Variants in NELL1 observed in about 807,000 individuals in gnomAD.
NELL1 encodes the protein protein kinase C-binding protein NELL1.
NELL1 carries 76 observed loss-of-function variants against 107.4 expected under a neutral mutation model. The ratio of observed to expected loss-of-function variants is 0.71; its 90% CI spans 0.59 to 0.86. The LOEUF (loss-of-function observed/expected upper bound fraction) is 0.86. Among genes scored for constraint, NELL1 ranks in the 40% least tolerant of loss-of-function variants. The pLI, the probability that NELL1 is intolerant of heterozygous loss-of-function variation, is 0.00. For missense variants in NELL1, 1,024 were observed against 1,005.5 expected, an observed-to-expected ratio of 1.02 and a Z score of -0.25; for synonymous variants, 353 against 341.2, an observed-to-expected ratio of 1.03 and a Z score of -0.38.
intron 13 of NELL1, among the ~76,000 whole-genome samples, chr11:21,209,723 C>A (rs1204170815): frequency 6.6e-6 from 1 of 151,986 alleles, no homozygotes; most frequent in Non-Finnish European, 1.5e-5. Context: ...TAACTGTGGT[C>A]CAATGTTTCA....
In NELL1 at chr11:20,958,313, C is replaced by T. The variant is rs989378020; in HGVS notation, c.1172-2119C>T. ...CCTCTAGTCCCAGCTACTCAGTTGCCGAGGTGGGAGGATCACTTTAGCCCA... is the reference window on the plus strand; with the variant it reads ...CCTCTAGTCCCAGCTACTCAGTTGCTGAGGTGGGAGGATCACTTTAGCCCA... On this transcript the variant is annotated intron_variant, in intron 11 of 19. Transcript: ENST00000357134. 2.6e-5 allele frequency among the ~76,000 whole-genome samples: 4 copies of T among 152,042 alleles called. No homozygotes were observed. In the East Asian group the frequency reaches 7.8e-4, roughly 30 times the overall value.
chr11:20,958,891 T>A (rs903262575), intron 11 of NELL1, among the ~76,000 whole-genome samples: 1 of 152,280 alleles, frequency 6.6e-6, no homozygotes, highest in Non-Finnish European at 1.5e-5. Flanking sequence ...AGGCATACCC[T>A]GGAGATATTG....
intron 2 of NELL1, among the ~76,000 whole-genome samples, chr11:20,752,645 T>A (rs1399194551): frequency 6.6e-6 from 1 of 152,210 alleles, no homozygotes; most frequent in African/African-American, 2.4e-5. Context: ...CCAACTCTAG[T>A]TCAAGTCAGC....
At chr11:21,547,523 ATTG>A (rs1443421107) in intron 16 of NELL1, among the ~76,000 whole-genome samples, 1 of 151,892 alleles carries the variant, frequency 6.6e-6, no homozygotes, top group Non-Finnish European at 1.5e-5. Context: ...GTTATATAAT[ATTG>A]TTGTGAAAAT....
At position 21,336,724 on chromosome 11, in the gene NELL1, T is replaced by C. The variant is rs544882252; in HGVS notation, c.1550-34129T>C. On this transcript the variant is annotated intron_variant, in intron 14 of 19. Coordinates refer to ENST00000357134, the MANE Select transcript of NELL1 (RefSeq NM_006157.5). ...GAAATCAGAATGAAATGCTTTGTATTTGAACTCTTCTTTTTTTAGTTTTAC... is the reference window on the plus strand; with the variant it reads ...GAAATCAGAATGAAATGCTTTGTATCTGAACTCTTCTTTTTTTAGTTTTAC... Among the ~76,000 whole-genome samples, 3 of 150,524 alleles carry C rather than the reference T, an allele frequency of 2.0e-5. No homozygotes were observed. The East Asian group carries it at 5.9e-4, about 30-fold the overall frequency.
chr11:21,243,139 T>C (rs562992979), intron 14 of NELL1, among the ~76,000 whole-genome samples: 157 of 152,090 alleles, frequency 1.0e-3, no homozygotes, highest in African/African-American at 3.5e-3. Context: ...TTCTGAAAGA[T>C]ACTAGGCAGG....
At chr11:20,869,433 A>G (rs1370996270) in intron 4 of NELL1, among the ~76,000 whole-genome samples, 1 of 152,216 alleles carries the variant, frequency 6.6e-6, no homozygotes, top group Non-Finnish European at 1.5e-5. Context: ...CCTAGTATTC[A>G]AAGTGCTGAT....
chr11:21,161,944 CTTTTT>C (rs34422649), intron 13 of NELL1, among the ~76,000 whole-genome samples: 1,025 of 83,048 alleles, frequency 0.012, 14 homozygotes, highest in African/African-American at 0.046. Flanking sequence ...GGAACATAAT[CTTTTT>C]TTTTTTTTTT....
chr11:21,254,543 G>A (rs1170641716), intron 14 of NELL1, among the ~76,000 whole-genome samples: 4 of 152,060 alleles, frequency 2.6e-5, no homozygotes, highest in Non-Finnish European at 5.9e-5. Context: ...AAATTGGACA[G>A]CAGGAGAGTT....
At chr11:20,877,673 A>G (rs528542458) in intron 4 of NELL1, among the ~76,000 whole-genome samples, 3 of 152,342 alleles carry the variant, frequency 2.0e-5, no homozygotes, top group African/African-American at 7.2e-5. Flanking sequence ...CCTTGATTCA[A>G]TGATTGACTT....
intron 12 of NELL1, among the ~76,000 whole-genome samples, chr11:20,975,956 T>TATGTG (rs59420210): frequency 7.7e-6 from 1 of 129,582 alleles, no homozygotes; most frequent in African/African-American, 3.0e-5. Context: ...TATATGTACA[T>TATGTG]TATATATACA....
At chr11:21,423,839 A>G (rs1043153018) in intron 15 of NELL1, among the ~76,000 whole-genome samples, 4 of 152,226 alleles carry the variant, frequency 2.6e-5, no homozygotes, top group East Asian at 1.9e-4. Flanking sequence ...AAAAATTACA[A>G]ATTGGTAGAA....
intron 15 of NELL1, among the ~76,000 whole-genome samples, chr11:21,478,726 G>GAAAC (rs1325692064): frequency 1.3e-5 from 2 of 150,074 alleles, no homozygotes; most frequent in Non-Finnish European, 3.0e-5. Context: ...CACAGCAAAG[G>GAAAC]AAACAGTCAA....
At chr11:20,732,274 C>A (rs72942748) in intron 2 of NELL1, among the ~76,000 whole-genome samples, 16,543 of 151,980 alleles carry the variant, frequency 0.11, 1,066 homozygotes, top group Non-Finnish European at 0.15. Flanking sequence ...CTTCATGAAT[C>A]TGAATAAATG....
chr11:20,926,136 TG>T (rs1850491117), intron 7 of NELL1, among the ~76,000 whole-genome samples: 1 of 152,174 alleles, frequency 6.6e-6, no homozygotes, highest in South Asian at 2.1e-4. Flanking sequence ...TCAATCATGG[TG>T]GTCTCTATGT....
At chr11:20,776,264 C>G (rs1002081461) in intron 2 of NELL1, among the ~76,000 whole-genome samples, 2 of 151,990 alleles carry the variant, frequency 1.3e-5, no homozygotes, top group Non-Finnish European at 2.9e-5. Flanking sequence ...ATGGCGAAAC[C>G]CCATCTTCTA....
intron 13 of NELL1, among the ~76,000 whole-genome samples, chr11:21,180,263 T>C (rs1003140063): frequency 2.6e-5 from 4 of 151,854 alleles, no homozygotes; most frequent in African/African-American, 9.7e-5. Context: ...TGCGGTTGCT[T>C]TCAAAGCTGA....
chr11:21,107,481 A>C (rs1028206103), intron 12 of NELL1, among the ~76,000 whole-genome samples: 3 of 152,204 alleles, frequency 2.0e-5, no homozygotes, highest in Non-Finnish European at 4.4e-5. Flanking sequence ...TTACCAGTCC[A>C]TGAAGAACTT....
intron 2 of NELL1, among the ~76,000 whole-genome samples, chr11:20,684,409 T>C (rs1199769270): frequency 6.6e-6 from 1 of 152,154 alleles, no homozygotes; most frequent in Non-Finnish European, 1.5e-5. Flanking sequence ...ACTTAGTGTA[T>C]TTTTTACCTC....
Sources: allele counts gnomAD v4.1 joint callset (sites outside exome capture counted in the v4.1 genomes callset), GRCh38; gene constraint gnomAD v4.1.1; transcripts MANE v1.5; gene names NCBI Gene and HGNC (gene_info 2026-07-23, HGNC 2026-07-21).